Variants in DPYD observed in about 807,000 individuals in gnomAD.
DPYD encodes the protein dihydropyrimidine dehydrogenase [NADP(+)].
DPYD carries 109 observed loss-of-function variants against 116.2 expected under a neutral mutation model. That is an observed-to-expected ratio of 0.94 (90% CI 0.80 to 1.10). The LOEUF (loss-of-function observed/expected upper bound fraction) is 1.10, where lower values mean the gene tolerates loss of function less well. Among genes scored for constraint, DPYD ranks in the 50% least tolerant of loss-of-function variants. DPYD has a pLI of 0.00. For missense variants in DPYD, 1,302 were observed against 1,254.5 expected (o/e 1.04, Z -0.57); for synonymous variants, 440 against 432.0 (o/e 1.02, Z -0.23).
At chr1:97,215,861 G>C (rs114346702) in intron 19 of DPYD, among the ~76,000 whole-genome samples, 1,709 of 152,208 alleles carry the variant, frequency 0.011, 35 homozygotes, top group African/African-American at 0.039. Flanking sequence ...CCTTTCTGTT[G>C]CTCTATTTAA....
In DPYD at chr1:97,318,230, A is replaced by G. The variant is rs1570504020; in HGVS notation, c.2059-11933T>C. Among the ~76,000 whole-genome samples the G allele has an allele frequency of 2.1e-5, 3 of 142,538 alleles. No homozygotes were observed. In the East Asian group the frequency reaches 6.2e-4, roughly 29 times the overall value. The allele number at this position is 142,538 out of a possible 152,430, so 93.5% of individuals were successfully genotyped here. ...GACAGGATCAAATTCACACATAACA[A>G]TATTAACTTTAAATATAAATGGACT... On this transcript the variant is annotated intron_variant, in intron 16 of 22. Transcript: ENST00000370192.
intron 7 of DPYD, among the ~76,000 whole-genome samples, chr1:97,681,419 C>T (rs1226027758): frequency 6.6e-6 from 1 of 152,006 alleles, no homozygotes; most frequent in Non-Finnish European, 1.5e-5. Context: ...TCATAGAGGG[C>T]AATGTTTTGT....
At chr1:97,531,017 A>C (rs1367620055) in intron 12 of DPYD, among the ~76,000 whole-genome samples, 1 of 152,196 alleles carries the variant, frequency 6.6e-6, no homozygotes, top group Non-Finnish European at 1.5e-5. Context: ...TTTGGAAATT[A>C]ACTGCTGGTT....
chr1:97,289,534 T>C lies in DPYD; in HGVS notation c.2299+15725A>G, dbSNP rs926056078. Reference sequence around the variant, plus strand: ...CCTGGGATGCAAGGCTGGTTCAACATACGCAAATCAATAAATGTAATCCAG... The same window carrying C: ...CCTGGGATGCAAGGCTGGTTCAACACACGCAAATCAATAAATGTAATCCAG... On this transcript the variant is annotated intron_variant, in intron 18 of 22. Transcript: ENST00000370192. Among the ~76,000 whole-genome samples the C allele has an allele frequency of 1.4e-4, 21 of 151,436 alleles. No individual in the cohort carries two copies. The South Asian group carries it at 1.7e-3, about 12-fold the overall frequency.
chr1:97,751,458 GTGTATATA>G (rs1415236923), intron 3 of DPYD, among the ~76,000 whole-genome samples: 7 of 22,046 alleles, frequency 3.2e-4, no homozygotes, highest in African/African-American at 6.8e-4. Flanking sequence ...GTGTGTGTGT[GTGTATATA>G]TATATATATA....
chr1:97,524,042 C>T (rs2101999550), intron 12 of DPYD, among the ~76,000 whole-genome samples: 1 of 151,996 alleles, frequency 6.6e-6, no homozygotes, highest in South Asian at 2.1e-4. Context: ...GTCTAGTAAG[C>T]CTCTTGACAG....
At chr1:97,827,001 C>A (rs1207734115) in intron 3 of DPYD, among the ~76,000 whole-genome samples, 2 of 151,940 alleles carry the variant, frequency 1.3e-5, no homozygotes, top group African/African-American at 4.8e-5. Flanking sequence ...AATTTAATTA[C>A]CTCCCCCTGT....
intron 14 of DPYD, among the ~76,000 whole-genome samples, chr1:97,441,928 CT>C (rs1173122769): frequency 6.6e-6 from 1 of 152,084 alleles, no homozygotes; most frequent in Non-Finnish European, 1.5e-5. Context: ...TTTCCCAATA[CT>C]TAATTAAGAG....
At chr1:97,122,700 C>T (rs1162666137) in intron 20 of DPYD, among the ~76,000 whole-genome samples, 2 of 152,108 alleles carry the variant, frequency 1.3e-5, no homozygotes, top group Non-Finnish European at 2.9e-5. Flanking sequence ...CCTGATGATA[C>T]TAAGCAAGTC....
intron 14 of DPYD, among the ~76,000 whole-genome samples, chr1:97,436,514 CA>C (rs1675480981): frequency 6.6e-6 from 1 of 151,838 alleles, no homozygotes; most frequent in Non-Finnish European, 1.5e-5. Context: ...GCTATACTTC[CA>C]ATGTGGAAAG....
chr1:97,849,963 C>T (rs1311766093), intron 2 of DPYD, among the ~76,000 whole-genome samples: 1 of 152,014 alleles, frequency 6.6e-6, no homozygotes, highest in Admixed American at 6.6e-5. Context: ...AAATTTCCTG[C>T]CTGAGAAGTA....
chr1:97,266,272 G>A (rs1343311745), intron 18 of DPYD, among the ~76,000 whole-genome samples: 1 of 152,160 alleles, frequency 6.6e-6, no homozygotes, highest in African/African-American at 2.4e-5. Context: ...TATCAAGGGA[G>A]AATACTAACT....
chr1:97,846,465 T>C (rs1230136017), intron 2 of DPYD, among the ~76,000 whole-genome samples: 1 of 152,190 alleles, frequency 6.6e-6, no homozygotes, highest in Non-Finnish European at 1.5e-5. Flanking sequence ...GGACTTGTGT[T>C]TGGCATCTGA....
At chr1:97,416,476 ATTT>A (rs1674297181) in intron 14 of DPYD, among the ~76,000 whole-genome samples, 1 of 152,144 alleles carries the variant, frequency 6.6e-6, no homozygotes. Context: ...GACTTCTCTC[ATTT>A]TTAACTTTGA....
At chr1:97,540,359 G>T (rs750984605) in intron 12 of DPYD, among the ~76,000 whole-genome samples, 6 of 142,732 alleles carry the variant, frequency 4.2e-5, no homozygotes, top group Admixed American at 1.4e-4. Flanking sequence ...GCGGGGCAGG[G>T]AACAAAACAA....
chr1:97,561,705 T>C (rs748784262), intron 11 of DPYD, among the ~76,000 whole-genome samples: 3 of 152,168 alleles, frequency 2.0e-5, no homozygotes, highest in Non-Finnish European at 4.4e-5. Flanking sequence ...GAATTAGCAA[T>C]GATATGTTTT....
chr1:97,442,638 A>G (rs1570740774), intron 14 of DPYD, among the ~76,000 whole-genome samples: 1 of 152,176 alleles, frequency 6.6e-6, no homozygotes, highest in South Asian at 2.1e-4. Context: ...TATAATAAAT[A>G]AAACATTAAA....
At chr1:97,681,676 A>G (rs773079536) in intron 7 of DPYD, among the ~76,000 whole-genome samples, 7 of 152,280 alleles carry the variant, frequency 4.6e-5, no homozygotes, top group South Asian at 4.1e-4. Flanking sequence ...GAGGCTTTAG[A>G]ACTTTAATTT....
At chr1:97,895,978 C>G (rs1673043201) in intron 1 of DPYD, among the ~76,000 whole-genome samples, 1 of 151,526 alleles carries the variant, frequency 6.6e-6, no homozygotes, top group Non-Finnish European at 1.5e-5. Context: ...AAGTTTATAC[C>G]TAAAGCAAGA....
Sources: allele counts gnomAD v4.1 joint callset (sites outside exome capture counted in the v4.1 genomes callset), GRCh38; gene constraint gnomAD v4.1.1; transcripts MANE v1.5; gene names NCBI Gene and HGNC (gene_info 2026-07-23, HGNC 2026-07-21).